NAALADL2: variants seen among roughly 807,000 people sequenced by gnomAD.
The protein encoded by NAALADL2 is inactive N-acetylated-alpha-linked acidic dipeptidase-like protein 2.
NAALADL2 carries 76 observed loss-of-function variants against 87.2 expected under a neutral mutation model. That is an observed-to-expected ratio of 0.87 (90% confidence interval 0.72 to 1.05). The LOEUF (loss-of-function observed/expected upper bound fraction) is 1.05. Among genes scored for constraint, NAALADL2 ranks in the 50% least tolerant of loss-of-function variants. The pLI, the probability that NAALADL2 is intolerant of heterozygous loss-of-function variation, is 0.00. For missense variants in NAALADL2, 1,089 were observed against 945.8 expected (o/e 1.15, Z -1.99); for synonymous variants, 354 against 331.0 (o/e 1.07, Z -0.75).
chr3:174,985,299 C>T (rs1047203865), intron 1 of NAALADL2, among the ~76,000 whole-genome samples: 10 of 152,212 alleles, frequency 6.6e-5, no homozygotes, highest in South Asian at 2.1e-4. Flanking sequence ...GAAAATGTAA[C>T]GATTTTAGAA....
At chr3:175,106,391 A>G (rs541638792) in intron 2 of NAALADL2, among the ~76,000 whole-genome samples, 18 of 152,192 alleles carry the variant, frequency 1.2e-4, no homozygotes, top group Admixed American at 6.6e-4. Flanking sequence ...CTGGCTGCCT[A>G]TTCTGAAAAT....
intron 3 of NAALADL2, among the ~76,000 whole-genome samples, chr3:174,853,902 G>C (rs538639451): frequency 1.3e-4 from 20 of 152,266 alleles, no homozygotes; most frequent in African/African-American, 4.3e-4. Flanking sequence ...TGGATGTGGA[G>C]AATGGGTAAC....
chr3:175,501,421 T>G (rs907394639), intron 9 of NAALADL2, among the ~76,000 whole-genome samples: 1 of 16,804 alleles, frequency 6.0e-5, no homozygotes, highest in African/African-American at 2.6e-4. Flanking sequence ...TCCATACGTT[T>G]TAGACACACA....
At chr3:175,003,410 C>T (rs1052523011) in intron 1 of NAALADL2, among the ~76,000 whole-genome samples, 1 of 152,196 alleles carries the variant, frequency 6.6e-6, no homozygotes, top group Non-Finnish European at 1.5e-5. Flanking sequence ...GAGCAGCATG[C>T]TAGCAGCAAT....
intron 5 of NAALADL2, among the ~76,000 whole-genome samples, chr3:175,368,869 A>T (rs780592869): frequency 1.3e-5 from 2 of 152,120 alleles, no homozygotes; most frequent in Non-Finnish European, 2.9e-5. Context: ...ATATCTAAAC[A>T]CAGAAAAGGT....
At chr3:175,721,886 T>A (rs1742289606) in intron 11 of NAALADL2, among the ~76,000 whole-genome samples, 1 of 152,074 alleles carries the variant, frequency 6.6e-6, no homozygotes, top group Non-Finnish European at 1.5e-5. Context: ...GATTGTTTTT[T>A]AATGCATTAT....
chr3:174,584,148 G>T (rs1027089002), intron 2 of NAALADL2, among the ~76,000 whole-genome samples: 8 of 152,126 alleles, frequency 5.3e-5, no homozygotes, highest in Non-Finnish European at 1.0e-4. Flanking sequence ...GAAAGACTGA[G>T]AAAGAATGAC....
At chr3:175,619,156 T>C (rs1436695166) in intron 10 of NAALADL2, among the ~76,000 whole-genome samples, 1 of 149,610 alleles carries the variant, frequency 6.7e-6, no homozygotes, top group Non-Finnish European at 1.5e-5. Context: ...TGCTTCCCTA[T>C]CACAAGCAGT....
At position 175,786,493 on chromosome 3, in the gene NAALADL2, A is replaced by G. The variant is rs377521166; in HGVS notation, c.2190-16512A>G. 5.9e-5 allele frequency among the ~76,000 whole-genome samples: 9 copies of G among 152,086 alleles called. No individual in the cohort carries two copies. In the South Asian group the frequency reaches 8.3e-4, roughly 14 times the overall value. On this transcript the variant is annotated intron_variant, in intron 13 of 13. Coordinates refer to ENST00000454872, the MANE Select transcript of NAALADL2 (RefSeq NM_207015.3). ...ACCCTTTCTTCCAGTTGATCGCATC[A>G]GCTCCTGAGGCTTCTGCATTCTTCA...
At chr3:174,906,968 C>T (rs1468460771) in intron 1 of NAALADL2, among the ~76,000 whole-genome samples, 4 of 151,918 alleles carry the variant, frequency 2.6e-5, no homozygotes, top group Admixed American at 6.6e-5. Context: ...TATTAAATTA[C>T]TTCAAATCCT....
intron 2 of NAALADL2, among the ~76,000 whole-genome samples, chr3:174,687,087 T>A (rs1357043984): frequency 6.6e-6 from 1 of 152,104 alleles, no homozygotes; most frequent in African/African-American, 2.4e-5. Flanking sequence ...ACAATGCCTG[T>A]ACAATGGAAT....
intron 2 of NAALADL2, among the ~76,000 whole-genome samples, chr3:175,161,417 T>C (rs1733191456): frequency 6.6e-6 from 1 of 152,172 alleles, no homozygotes; most frequent in Non-Finnish European, 1.5e-5. Context: ...AGGATATCAC[T>C]ACTGACTATG....
chr3:175,158,483 G>A (rs1732651836), intron 2 of NAALADL2, among the ~76,000 whole-genome samples: 1 of 151,902 alleles, frequency 6.6e-6, no homozygotes, highest in East Asian at 1.9e-4. Flanking sequence ...TGAAAATTGG[G>A]GAATAGAACT....
chr3:175,240,844 G>A (rs562119985), intron 3 of NAALADL2, among the ~76,000 whole-genome samples: 10 of 151,976 alleles, frequency 6.6e-5, no homozygotes, highest in Non-Finnish European at 1.3e-4. Context: ...TAGTGGAGAC[G>A]GGGTTTCTCC....
Position 175,485,696 on chromosome 3 carries a change from C to A in NAALADL2, c.1653+13938C>A, listed in dbSNP as rs529555078. ...TTCATCTTCCTGCTTTTTCTAGCTA[C>A]GCTGACAGCCACTGGATGGTGCCCA... On this transcript the variant is annotated intron_variant, in intron 9 of 13. Coordinates refer to ENST00000454872, the MANE Select transcript of NAALADL2 (RefSeq NM_207015.3). Among the ~76,000 whole-genome samples the A allele has an allele frequency of 2.9e-3, 447 of 152,256 alleles. 3 individuals carry two copies. The highest frequency in any genetic ancestry group is 4.2e-3 in the Non-Finnish European group (286 of 68,008).
chr3:175,700,296 T>A (rs1229012527), intron 11 of NAALADL2, among the ~76,000 whole-genome samples: 8 of 152,120 alleles, frequency 5.3e-5, no homozygotes, highest in Non-Finnish European at 1.0e-4. Flanking sequence ...ATCAATATTG[T>A]CATGAGGCTG....
intron 11 of NAALADL2, among the ~76,000 whole-genome samples, chr3:175,668,832 A>C (rs1733554424): frequency 1.3e-5 from 2 of 152,192 alleles, no homozygotes; most frequent in Admixed American, 6.5e-5. Context: ...GTTAAGAGAC[A>C]GTCTTACATG....
intron 1 of NAALADL2, among the ~76,000 whole-genome samples, chr3:174,994,642 C>T (rs186538062): frequency 4.7e-4 from 71 of 152,052 alleles, no homozygotes; most frequent in Admixed American, 1.3e-3. Flanking sequence ...ATTCAAATGA[C>T]CACAGAGCAA....
At chr3:174,583,076 C>A (rs994515926) in intron 2 of NAALADL2, among the ~76,000 whole-genome samples, 3 of 152,290 alleles carry the variant, frequency 2.0e-5, no homozygotes, top group Non-Finnish European at 2.9e-5. Context: ...TTATTGCCAC[C>A]TGTCAATGAA....
Sources: allele counts gnomAD v4.1 joint callset (sites outside exome capture counted in the v4.1 genomes callset), GRCh38; gene constraint gnomAD v4.1.1; transcripts MANE v1.5; gene names NCBI Gene and HGNC (gene_info 2026-07-23, HGNC 2026-07-21).